The following NDUFA10 variants were observed in gnomAD, a reference collection of about 807,000 sequenced individuals.
NDUFA10 encodes NADH:ubiquinone oxidoreductase subunit A10.
NDUFA10 carries 40 observed loss-of-function variants against 47.8 expected under a neutral mutation model. The observed-to-expected ratio is 0.84, with a 90% CI of 0.65 to 1.09. The LOEUF is 1.09. Ranked by LOEUF, NDUFA10 falls within the 50% of genes least tolerant of loss-of-function variation. The pLI, the probability that NDUFA10 is intolerant of heterozygous loss-of-function variation, is 0.00. For missense variants in NDUFA10, 413 were observed against 451.1 expected (o/e 0.92, Z 0.76); for synonymous variants, 183 against 172.2 (o/e 1.06, Z -0.49).
chr2:240,007,491 G>A, intron 6 of NDUFA10, 121 bp from the exon 7 acceptor site: 1 of 747,256 alleles, frequency 1.3e-6, no homozygotes, highest in Non-Finnish European at 2.3e-6. Context: ...TCTCTGCACT[G>A]GGCATTGTGC....
At chr2:239,979,216 CTT>C (rs1333696561) in intron 9 of NDUFA10, among the ~76,000 whole-genome samples, 4 of 152,204 alleles carry the variant, frequency 2.6e-5, no homozygotes, top group Non-Finnish European at 5.9e-5. Context: ...ACCAAAGTTC[CTT>C]TGTTACAAAC....
chr2:240,000,493 A>G (rs898216331), intron 8 of NDUFA10, among the ~76,000 whole-genome samples: 1 of 152,268 alleles, frequency 6.6e-6, no homozygotes, highest in Admixed American at 6.5e-5. Context: ...ATTTAAGTTT[A>G]TAAAGAAAGT....
chr2:239,953,743 G>A (rs934841688), downstream of NDUFA10, among the ~76,000 whole-genome samples: 1 of 152,236 alleles, frequency 6.6e-6, no homozygotes, highest in African/African-American at 2.4e-5. Flanking sequence ...GCCAGGCAGA[G>A]GCTTGTCCTT....
chr2:239,896,323 C>T (rs563758872), intron 4 of NDUFA10, among the ~76,000 whole-genome samples: 1 of 152,346 alleles, frequency 6.6e-6, no homozygotes, highest in African/African-American at 2.4e-5. Flanking sequence ...CAGGGCAGAC[C>T]TGGCCGAGCA....
intron 6 of NDUFA10, among the ~76,000 whole-genome samples, 158 bp downstream of exon 6, chr2:240,011,459 A>ATTT (rs1462705672): frequency 7.2e-5 from 11 of 152,324 alleles, no homozygotes; most frequent in Admixed American, 2.0e-4. Flanking sequence ...ATCAAACTGA[A>ATTT]ATGTCTCCTG....
At chr2:239,927,641 C>T (rs1330807401) in intron 4 of NDUFA10, among the ~76,000 whole-genome samples, 1 of 152,186 alleles carries the variant, frequency 6.6e-6, no homozygotes, top group Non-Finnish European at 1.5e-5. Context: ...AGGTCACATG[C>T]CGCACAATTC....
intron 4 of NDUFA10, chr2:240,017,867 C>G: frequency 6.4e-7 from 1 of 1,572,452 alleles, no homozygotes; most frequent in Non-Finnish European, 8.6e-7. Flanking sequence ...CCTCTGAGCT[C>G]CCAGATTCCA....
At chr2:239,997,531 T>A (rs1260141354) in intron 8 of NDUFA10, among the ~76,000 whole-genome samples, 5 of 152,200 alleles carry the variant, frequency 3.3e-5, no homozygotes, top group African/African-American at 1.2e-4. Flanking sequence ...GTACACATAT[T>A]CCGGAGAATC....
intron 9 of NDUFA10, among the ~76,000 whole-genome samples, chr2:239,986,362 GAC>G (rs1307407366): frequency 1.3e-5 from 2 of 152,202 alleles, no homozygotes; most frequent in Non-Finnish European, 2.9e-5. Context: ...TGGTAGCAGA[GAC>G]AGGAGACTAG....
chr2:239,933,983 G>A (rs1206237112), intron 4 of NDUFA10, among the ~76,000 whole-genome samples: 2 of 152,054 alleles, frequency 1.3e-5, no homozygotes, highest in Non-Finnish European at 2.9e-5. Flanking sequence ...TTTGCCTCTA[G>A]AGTAGCTGGG....
intron 4 of NDUFA10, among the ~76,000 whole-genome samples, chr2:239,924,674 C>T (rs2106369944): frequency 6.6e-6 from 1 of 152,168 alleles, no homozygotes; most frequent in East Asian, 1.9e-4. Context: ...TATTACCACT[C>T]CTATTCAATG....
At chr2:239,898,974 AGAGGTATGAT>A in intron 4 of NDUFA10, among the ~76,000 whole-genome samples, 2 of 97,664 alleles carry the variant, frequency 2.0e-5, no homozygotes, top group Admixed American at 1.0e-4. Context: ...GGTGTGATGA[AGAGGTATGAT>A]GGAGAGGTGT....
rs1693653041 is a variant in NDUFA10 at position 239,906,230 on chromosome 2, G to A, written c.295-10916C>T. Among the ~76,000 whole-genome samples the A allele has an allele frequency of 6.6e-6, 1 of 152,206 alleles. No homozygotes were observed. The highest frequency in any genetic ancestry group is 2.1e-4 in the South Asian group (1 of 4,830). On this transcript the variant is annotated intron_variant, in intron 4 of 5. Transcript: ENST00000419408. The surrounding 1 kb of genome is among the most constrained non-coding windows in gnomAD (Gnocchi z 4.3). ...AGGTGGTTGGAAATATTACCCGGAA[G>A]GAAGTCAGTATATAATTAAAAGTCA...
intron 4 of NDUFA10, among the ~76,000 whole-genome samples, chr2:239,946,343 G>A (rs1042714869): frequency 6.6e-6 from 1 of 152,206 alleles, no homozygotes; most frequent in South Asian, 2.1e-4. Context: ...GGTTTCCGAA[G>A]GGTAGTGTGT....
chr2:239,939,523 G>T (rs1447382495), intron 4 of NDUFA10, among the ~76,000 whole-genome samples: 1 of 152,224 alleles, frequency 6.6e-6, no homozygotes, highest in East Asian at 1.9e-4. Flanking sequence ...GTTTGCTTTT[G>T]CATTTTTAAG....
rs145869609 is a variant in NDUFA10 at position 239,968,771 on chromosome 2, C to A, written c.1000-7585G>T. ...GACAAAGTCGACTTCTGGGAAAGAACAGTTTCCAGGGAGTTGCAAGCAGAT... is the reference window on the plus strand; with the variant it reads ...GACAAAGTCGACTTCTGGGAAAGAAAAGTTTCCAGGGAGTTGCAAGCAGAT... On this transcript the variant is annotated intron_variant, in intron 9 of 9. Transcript: ENST00000252711. 2.7e-3 allele frequency among the ~76,000 whole-genome samples: 408 copies of A among 152,248 alleles called. 1 individual carries two copies. Among genetic ancestry groups the A allele is most frequent in the Middle Eastern group, 6.8e-3 (2 of 292 alleles).
intron 4 of NDUFA10, 67 bp downstream of exon 4, chr2:240,018,486 T>A (rs752700738): frequency 3.7e-6 from 6 of 1,613,728 alleles, no homozygotes; most frequent in African/African-American, 1.3e-5. Context: ...AAGTGCAAGG[T>A]GAGTCTATCA....
At chr2:239,975,462 C>T (rs1025464014) in intron 9 of NDUFA10, among the ~76,000 whole-genome samples, 3 of 152,234 alleles carry the variant, frequency 2.0e-5, no homozygotes, top group African/African-American at 4.8e-5. Flanking sequence ...GCAGCATGGC[C>T]GCCCGGCCAC....
intron 4 of NDUFA10, among the ~76,000 whole-genome samples, chr2:239,917,942 C>T (rs554003001): frequency 2.0e-5 from 3 of 152,338 alleles, no homozygotes; most frequent in South Asian, 4.1e-4. Flanking sequence ...AGGAGCAGCA[C>T]CCCCAGCCCT....
Sources: gnomAD v4.1 joint callset for allele counts (sites outside exome capture counted in the v4.1 genomes callset) on GRCh38, gnomAD v4.1.1 for gene constraint, Gnocchi (gnomAD v3.1) non-coding constraint, MANE v1.5 for transcripts, NCBI Gene and HGNC (gene_info 2026-07-23, HGNC 2026-07-21) for gene names.